The following SAMD7 variants were observed in gnomAD, a reference collection of about 807,000 sequenced individuals.
The protein encoded by SAMD7 is sterile alpha motif domain containing 7.
Under a neutral mutation model 36.7 loss-of-function variants are expected in SAMD7, and 34 were observed. The ratio of observed to expected loss-of-function variants is 0.93; its 90% CI spans 0.71 to 1.23. The LOEUF is 1.23. SAMD7 is among the 50% of genes most tolerant of loss of function. The probability of loss-of-function intolerance (pLI) is 0.00; values close to 1 mark genes in which losing one functional copy is unlikely to be tolerated. For missense variants in SAMD7, 570 were observed against 546.6 expected (o/e 1.04, Z -0.43); for synonymous variants, 188 against 189.7 (o/e 0.99, Z 0.07).
At chr3:169,920,308 C>T (rs1712991916) in intron 3 of SAMD7, among the ~76,000 whole-genome samples, 2 of 152,358 alleles carry the variant, frequency 1.3e-5, no homozygotes, top group Middle Eastern at 3.4e-3. Context: ...CTGGTGAGGT[C>T]TCTCTTTCTG....
At chr3:169,921,190 T>C (rs767388737) in intron 3 of SAMD7, 24 bp from the exon 4 acceptor site, 37 of 1,610,786 alleles carry the variant, frequency 2.3e-5, no homozygotes, top group Non-Finnish European at 2.8e-5. Flanking sequence ...TTACCTATTT[T>C]ATTTTATATC....
intron 7 of SAMD7, among the ~76,000 whole-genome samples, chr3:169,935,957 A>G (rs984300493): frequency 2.0e-5 from 3 of 152,220 alleles, no homozygotes; most frequent in African/African-American, 7.2e-5. Context: ...GGTTTTACCC[A>G]CATCCCTTTA....
chr3:169,922,729 A>T lies in SAMD7; in HGVS notation c.211+1391A>T, dbSNP rs144476861. Among the ~76,000 whole-genome samples, 887 of 152,274 alleles carry T rather than the reference A, an allele frequency of 5.8e-3. 5 individuals are homozygous for T. Among genetic ancestry groups the T allele is most frequent in the Middle Eastern group, 0.014 (4 of 294 alleles). On this transcript the variant is annotated intron_variant, in intron 4 of 8. Transcript: ENST00000335556. ...TGGCCATGCTGGTCTGGAACTCCTG[A>T]CTTAAGTCATCCACTTGCTTCAGCC...
intron 2 of SAMD7, among the ~76,000 whole-genome samples, chr3:169,917,016 A>G (rs566979627): frequency 1.4e-4 from 22 of 152,214 alleles, no homozygotes; most frequent in Non-Finnish European, 2.2e-4. Flanking sequence ...GTGTGGTGGT[A>G]ACTAAACTCT....
rs564877309 is a variant in SAMD7 at position 169,916,834 on chromosome 3, A to G, written c.-42+1393A>G. On this transcript the variant is annotated intron_variant, in intron 2 of 8. Transcript: ENST00000335556. The stretch of plus-strand genomic sequence containing the variant: ...TTCTGTTGTAAATGGTCTAGAGGGA[A>G]GAAGGCAGCTGTGCACCGAATCCCA... Among the ~76,000 whole-genome samples, 10 of 152,338 alleles carry G rather than the reference A, an allele frequency of 6.6e-5. No individual in the cohort carries two copies. The South Asian group carries it at 1.9e-3, about 28-fold the overall frequency.
chr3:169,915,709 T>G lies in SAMD7; in HGVS notation c.-42+268T>G, dbSNP rs1053076696. On this transcript the variant is annotated intron_variant, in intron 2 of 8. Coordinates refer to ENST00000335556, the MANE Select transcript of SAMD7 (RefSeq NM_001304366.2). ...AAGCAATTCTCCTGCCCCAGCCTCCTGAGTAGCTGGGACTACAGGCGCCAC... is the reference window on the plus strand; with the variant it reads ...AAGCAATTCTCCTGCCCCAGCCTCCGGAGTAGCTGGGACTACAGGCGCCAC... Among the ~76,000 whole-genome samples the G allele has an allele frequency of 3.3e-5, 5 of 149,460 alleles. No individual in the cohort carries two copies. In the East Asian group the frequency reaches 1.0e-3, roughly 30 times the overall value.
chr3:169,929,791 A>G (rs187382890), intron 7 of SAMD7, among the ~76,000 whole-genome samples: 145 of 152,374 alleles, frequency 9.5e-4, no homozygotes, highest in Middle Eastern at 6.8e-3. Flanking sequence ...CAAGTTACTT[A>G]TGAAGCAAGT....
intron 7 of SAMD7, among the ~76,000 whole-genome samples, chr3:169,931,316 A>G (rs558625402): frequency 1.3e-5 from 2 of 152,336 alleles, no homozygotes; most frequent in Non-Finnish European, 2.9e-5. Context: ...TCTGAGCGAC[A>G]GGGACATGTA....
intron 7 of SAMD7, among the ~76,000 whole-genome samples, chr3:169,931,514 T>C (rs1409852792): frequency 6.6e-6 from 1 of 151,962 alleles, no homozygotes; most frequent in African/African-American, 2.4e-5. Flanking sequence ...GAGATGGGGG[T>C]CTACTATGTT....
At chr3:169,934,152 T>C (rs527362297) in intron 7 of SAMD7, among the ~76,000 whole-genome samples, 14 of 152,300 alleles carry the variant, frequency 9.2e-5, no homozygotes, top group Non-Finnish European at 1.5e-4. Context: ...ATTGTGGCTT[T>C]ATCCTGGAGG....
chr3:169,920,128 C>T (rs1278366749), intron 3 of SAMD7, among the ~76,000 whole-genome samples: 2 of 152,186 alleles, frequency 1.3e-5, no homozygotes, highest in Admixed American at 6.5e-5. Flanking sequence ...GAGCTGAGAT[C>T]GTGCCCTTGC....
At chr3:169,932,657 GA>G in intron 7 of SAMD7, 1 of 553,584 alleles carries the variant, frequency 1.8e-6, no homozygotes. Context: ...AGACACAATG[GA>G]AAAATCTGTC....
intron 8 of SAMD7, among the ~76,000 whole-genome samples, chr3:169,937,173 A>G (rs1175728256): frequency 6.6e-6 from 1 of 152,140 alleles, no homozygotes; most frequent in Admixed American, 6.5e-5. Context: ...CCAGCACGCC[A>G]CTTCTCACTA....
chr3:169,918,400 A>G (rs1265705777), intron 2 of SAMD7, among the ~76,000 whole-genome samples: 2 of 152,118 alleles, frequency 1.3e-5, no homozygotes, highest in African/African-American at 4.8e-5. Flanking sequence ...CCAGGTAACC[A>G]TTGTTCTACT....
intron 5 of SAMD7, 94 bp from the exon 6 acceptor site, chr3:169,926,457 CAG>C (rs1211411006): frequency 7.7e-7 from 1 of 1,297,046 alleles, no homozygotes; most frequent in African/African-American, 1.5e-5. Flanking sequence ...TTCAGATAAA[CAG>C]TGTGAGGACT....
Position 169,925,145 on chromosome 3 carries a change from G to T in SAMD7, c.290+9G>T. 1.3e-6 allele frequency: 2 copies of T among 1,587,386 alleles called. No individual in the cohort carries two copies. The highest frequency in any genetic ancestry group is 1.7e-6 in the Non-Finnish European group (2 of 1,161,990). ...CGGCATCATACTGCCAGGTAATTTG[G>T]CAATGTTGTTTTATTTATTCTCTAT... On this transcript the variant is annotated intron_variant, in intron 5 of 8. Coordinates refer to ENST00000335556, the MANE Select transcript of SAMD7 (RefSeq NM_001304366.2).
rs1713818345 is a variant in SAMD7 at position 169,938,804 on chromosome 3, A to G, written c.*298A>G. The G allele has an allele frequency of 3.9e-6, 1 of 254,444 alleles. No homozygotes were observed. Among genetic ancestry groups the G allele is most frequent in the South Asian group, 1.6e-4 (1 of 6,274 alleles). The allele number at this position is 254,444 out of a possible 1,614,324, so 15.8% of individuals were successfully genotyped here. A position where few individuals can be genotyped will look rare whatever the true frequency, so the allele number is the denominator to read the frequency against. On this transcript the variant is annotated 3_prime_UTR_variant, in exon 9 of 9. Coordinates refer to ENST00000335556, the MANE Select transcript of SAMD7 (RefSeq NM_001304366.2). Reference sequence around the variant, plus strand: ...AAGAAATCTCTGAAGAAACCAAAAGAGCTGAAACTGAAAAAAGAGCTCCCT... The same window carrying G: ...AAGAAATCTCTGAAGAAACCAAAAGGGCTGAAACTGAAAAAAGAGCTCCCT...
intron 7 of SAMD7, among the ~76,000 whole-genome samples, chr3:169,929,085 A>C (rs932378643): frequency 1.3e-5 from 2 of 152,196 alleles, no homozygotes; most frequent in Non-Finnish European, 2.9e-5. Context: ...ACAATATATA[A>C]AAATGCATAC....
chr3:169,926,406 C>A (rs1713256669), intron 5 of SAMD7, 147 bp from the exon 6 acceptor site: 2 of 1,163,870 alleles, frequency 1.7e-6, no homozygotes, highest in Non-Finnish European at 2.4e-6. Context: ...ACTCTCCTTC[C>A]CAGTGGCTTT....
Sources: gnomAD v4.1 joint callset for allele counts (sites outside exome capture counted in the v4.1 genomes callset) on GRCh38, gnomAD v4.1.1 for gene constraint, MANE v1.5 for transcripts, NCBI Gene and HGNC (gene_info 2026-07-23, HGNC 2026-07-21) for gene names.